KIF16B: variants seen among roughly 807,000 people sequenced by gnomAD.
KIF16B encodes kinesin family member 16B.
KIF16B carries 98 observed loss-of-function variants against 156.3 expected under a neutral mutation model. That is an observed-to-expected ratio of 0.63 (90% CI 0.53 to 0.74). The LOEUF is 0.74. Among genes scored for constraint, KIF16B ranks in the 30% least tolerant of loss-of-function variants. The pLI is 0.00. For synonymous variants in KIF16B, 564 were observed against 583.7 expected (o/e 0.97, Z 0.49); for missense variants, 1,421 against 1,606.5 (o/e 0.88, Z 1.97).
chr20:16,286,100 G>A (rs2063218503), intron 25 of KIF16B, among the ~76,000 whole-genome samples: 1 of 152,194 alleles, frequency 6.6e-6, no homozygotes, highest in African/African-American at 2.4e-5. Context: ...CACTACTTTA[G>A]TCGAATGATG....
At chr20:16,368,211 A>G in intron 22 of KIF16B, 1 of 1,032,986 alleles carries the variant, frequency 9.7e-7, no homozygotes, top group South Asian at 3.9e-5. Flanking sequence ...GCTTAAATGC[A>G]GAGCTCTTTC....
chr20:16,299,223 C>T (rs112920508), intron 25 of KIF16B, among the ~76,000 whole-genome samples: 6 of 151,472 alleles, frequency 4.0e-5, no homozygotes, highest in Admixed American at 3.3e-4. Flanking sequence ...CCCATGTGTG[C>T]GTGTGTGTGT....
intron 25 of KIF16B, among the ~76,000 whole-genome samples, chr20:16,275,055 C>CTTT (rs4052896): frequency 0.098 from 13,783 of 140,278 alleles, 812 homozygotes; most frequent in Non-Finnish European, 0.12. Flanking sequence ...ATAAATTGTA[C>CTTT]TTTTTTTTTT....
chr20:16,369,438 C>G (rs1407642760), intron 22 of KIF16B, among the ~76,000 whole-genome samples: 1 of 146,784 alleles, frequency 6.8e-6, no homozygotes, highest in Non-Finnish European at 1.5e-5. Context: ...TTATCTGATT[C>G]ATACATAGAA....
intron 23 of KIF16B, among the ~76,000 whole-genome samples, chr20:16,350,465 C>T (rs529062338): frequency 7.2e-5 from 11 of 151,970 alleles, no homozygotes; most frequent in African/African-American, 2.2e-4. Context: ...ATGTACCCTG[C>T]GGGTGCTGAA....
At chr20:16,360,913 T>C (rs1202730463) in intron 22 of KIF16B, among the ~76,000 whole-genome samples, 2 of 152,168 alleles carry the variant, frequency 1.3e-5, no homozygotes, top group East Asian at 1.9e-4. Context: ...CTCTGCGGGC[T>C]CTCAGAGAAC....
At chr20:16,456,691 A>G (rs2146644742) in intron 12 of KIF16B, among the ~76,000 whole-genome samples, 1 of 152,276 alleles carries the variant, frequency 6.6e-6, no homozygotes, top group East Asian at 1.9e-4. Context: ...AGACCATGAC[A>G]TTACAACGCT....
chr20:16,410,174 T>C (rs182904075), intron 15 of KIF16B, among the ~76,000 whole-genome samples: 15 of 143,784 alleles, frequency 1.0e-4, no homozygotes, highest in Admixed American at 2.8e-4. Flanking sequence ...TAGGTACATA[T>C]ATATATGTAG....
chr20:16,543,625 A>G lies in KIF16B; in HGVS notation c.48-15185T>C, dbSNP rs1180663029. Among the ~76,000 whole-genome samples, 3 of 152,150 alleles carry G rather than the reference A, an allele frequency of 2.0e-5. No homozygotes were observed. The East Asian group carries it at 5.8e-4, about 29-fold the overall frequency. On this transcript the variant is annotated intron_variant, in intron 1 of 25. Transcript: ENST00000354981. ...TTACAAAATTCATGTCCCAAACCAT[A>G]AAGGACTAAATTTTGCTCAAGACCA...
intron 1 of KIF16B, among the ~76,000 whole-genome samples, chr20:16,572,035 C>T (rs2071475904): frequency 6.6e-6 from 1 of 152,128 alleles, no homozygotes; most frequent in African/African-American, 2.4e-5. Context: ...AAAGAAAAAT[C>T]GTTCTAAAGT....
intron 12 of KIF16B, among the ~76,000 whole-genome samples, chr20:16,433,008 C>T (rs2066543403): frequency 6.6e-6 from 1 of 152,150 alleles, no homozygotes; most frequent in African/African-American, 2.4e-5. Context: ...CAAATCTCAG[C>T]TAAACTGAGC....
chr20:16,452,523 G>A (rs889797255), intron 12 of KIF16B, among the ~76,000 whole-genome samples: 2 of 152,068 alleles, frequency 1.3e-5, no homozygotes, highest in African/African-American at 4.8e-5. Flanking sequence ...CCGGAAACAG[G>A]GATGCAGAAG....
At chr20:16,423,640 A>G (rs2066279124) in intron 15 of KIF16B, among the ~76,000 whole-genome samples, 1 of 152,144 alleles carries the variant, frequency 6.6e-6, no homozygotes. Context: ...ACCTAACTGA[A>G]GGAGATGCAG....
rs577831193 is a variant in KIF16B, at chr20:16,287,794, C to T, written c.3796-14383G>A. On this transcript the variant is annotated intron_variant, in intron 25 of 25. Transcript: ENST00000354981. ...TCCATATCAGAAAAACCAAAACCTG[C>T]TTTTCTCCAGAGCACAAGTCAAAAC... Among the ~76,000 whole-genome samples, 4 of 152,270 alleles carry T rather than the reference C, an allele frequency of 2.6e-5. No homozygotes were observed. The South Asian group carries it at 6.2e-4, about 24-fold the overall frequency.
intron 12 of KIF16B, among the ~76,000 whole-genome samples, chr20:16,476,989 C>T (rs1278118794): frequency 5.3e-5 from 8 of 152,038 alleles, no homozygotes; most frequent in Admixed American, 3.3e-4. Flanking sequence ...CCTCATAATC[C>T]GCCCGCCTCA....
chr20:16,446,446 G>A (rs994656584), intron 12 of KIF16B, among the ~76,000 whole-genome samples: 8 of 152,114 alleles, frequency 5.3e-5, no homozygotes, highest in Non-Finnish European at 8.8e-5. Flanking sequence ...AGCTGAACTG[G>A]TGGCATGTTC....
At chr20:16,356,650 T>C (rs1037175947) in intron 22 of KIF16B, among the ~76,000 whole-genome samples, 198 bp from the exon 23 acceptor site, 1 of 152,202 alleles carries the variant, frequency 6.6e-6, no homozygotes. Context: ...AGACCATTAT[T>C]TTAGGTATAC....
At position 16,469,254 on chromosome 20, in the gene KIF16B, T is replaced by TAAAAAAAAAAAAAAAAAAA. The variant is rs57114751; in HGVS notation, c.1302+25018_1302+25036dup. On this transcript the variant is annotated intron_variant, in intron 12 of 25. Transcript: ENST00000354981. ...GGTGACAGAGCAGGACCCTGTGTCT[T>TAAAAAAAAAAAAAAAAAAA]AAAAAAAAAAAAAAAAAAAAAAAAA... Among the ~76,000 whole-genome samples, 37 of 66,070 alleles carry TAAAAAAAAAAAAAAAAAAA rather than the reference T, an allele frequency of 5.6e-4. 1 individual carries two copies. Among genetic ancestry groups the TAAAAAAAAAAAAAAAAAAA allele is most frequent in the Non-Finnish European group, 7.7e-4 (26 of 33,738 alleles). 43.3% of individuals were successfully genotyped at this position (66,070 alleles called of 152,430 possible). A position where few individuals can be genotyped will look rare whatever the true frequency, so the allele number is the denominator to read the frequency against.
chr20:16,519,692 A>G (rs1205626475), intron 3 of KIF16B, among the ~76,000 whole-genome samples: 1 of 152,230 alleles, frequency 6.6e-6, no homozygotes, highest in East Asian at 1.9e-4. Context: ...ACACATTTCA[A>G]ACTGCAAGAA....
Sources: gnomAD v4.1 joint callset for allele counts (sites outside exome capture counted in the v4.1 genomes callset) on GRCh38, gnomAD v4.1.1 for gene constraint, MANE v1.5 for transcripts, NCBI Gene and HGNC (gene_info 2026-07-23, HGNC 2026-07-21) for gene names.